Variants in CHMP3 observed in about 807,000 individuals in gnomAD.
CHMP3 encodes the protein charged multivesicular body protein 3, also known as 25.1 protein.
A neutral mutation model predicts 27.4 loss-of-function variants in CHMP3; 8 were observed. The ratio of observed to expected loss-of-function variants is 0.29; its 90% confidence interval spans 0.17 to 0.53. The LOEUF is 0.53. Ranked by LOEUF, CHMP3 falls within the 20% of genes least tolerant of loss-of-function variation. The pLI is 0.96. For synonymous variants in CHMP3, 86 were observed against 85.5 expected (o/e 1.01, Z -0.03); for missense variants, 208 against 271.5 (o/e 0.77, Z 1.64).
chr2:86,563,256 C>T (rs370948522), intron 1 of CHMP3, 48 bp downstream of exon 1: 372 of 1,601,754 alleles, frequency 2.3e-4, no homozygotes, highest in Non-Finnish European at 2.8e-4. Flanking sequence ...AACTTCACTA[C>T]GCCCCACACA....
chr2:86,523,993 T>C, intron 3 of CHMP3, among the ~76,000 whole-genome samples: 1 of 152,158 alleles, frequency 6.6e-6, no homozygotes, highest in South Asian at 2.1e-4. Context: ...ACAGACAAAA[T>C]TGATCATGAT....
chr2:86,515,567 C>T (rs1229531764), intron 3 of CHMP3, among the ~76,000 whole-genome samples: 4 of 152,006 alleles, frequency 2.6e-5, no homozygotes, highest in South Asian at 2.1e-4. Flanking sequence ...GTGATCCACC[C>T]GCCTCAGCCT....
At chr2:86,551,385 T>C (rs1311843162) in intron 1 of CHMP3, among the ~76,000 whole-genome samples, 5 of 151,986 alleles carry the variant, frequency 3.3e-5, no homozygotes, top group Non-Finnish European at 7.4e-5. Context: ...GCCTCCCAAG[T>C]AGCTGGGACT....
chr2:86,514,564 C>A (rs1675223390), intron 3 of CHMP3, among the ~76,000 whole-genome samples: 1 of 152,154 alleles, frequency 6.6e-6, no homozygotes, highest in South Asian at 2.1e-4. Flanking sequence ...CAAGAACACA[C>A]ATTATATACT....
At position 86,528,001 on chromosome 2, in the gene CHMP3, A is replaced by G. The variant is rs148474940; in HGVS notation, c.286+1217T>C. On this transcript the variant is annotated intron_variant, in intron 3 of 5. Transcript: ENST00000263856. ...AATAAATAAAAGATAATCTTGATAG[A>G]TTTTTTAAAGGATGATGTGGTACAA... Among the ~76,000 whole-genome samples, 645 of 152,174 alleles carry G rather than the reference A, an allele frequency of 4.2e-3. 3 individuals carry two copies. Among genetic ancestry groups the G allele is most frequent in the South Asian group, 6.0e-3 (29 of 4,824 alleles).
intron 1 of CHMP3, among the ~76,000 whole-genome samples, chr2:86,559,054 G>C (rs1326872453): frequency 6.6e-6 from 1 of 152,120 alleles, no homozygotes; most frequent in African/African-American, 2.4e-5. Flanking sequence ...CACTATTTCT[G>C]AATATGTCTA....
intron 2 of CHMP3, among the ~76,000 whole-genome samples, chr2:86,534,844 T>G (rs1676063237): frequency 6.6e-6 from 1 of 152,236 alleles, no homozygotes. Flanking sequence ...TCTATTTGTG[T>G]TTTTGGATCT....
Position 86,505,780 on chromosome 2 carries a change from C to T in CHMP3, c.*24G>A. ...TGGCAGCTCTTGAGAGGAGTGTGTG[C>T]ACACCCAGCGGGGTAGGCAGCCCCT... On this transcript the variant is annotated 3_prime_UTR_variant, in exon 6 of 6. Coordinates refer to ENST00000263856, the MANE Select transcript of CHMP3 (RefSeq NM_016079.4). 5 of 1,544,956 alleles carry T rather than the reference C, an allele frequency of 3.2e-6. No individual in the cohort carries two copies. The highest frequency in any genetic ancestry group is 3.5e-6 in the Non-Finnish European group (4 of 1,143,898).
At chr2:86,524,839 A>G (rs1675637848) in intron 3 of CHMP3, among the ~76,000 whole-genome samples, 1 of 152,212 alleles carries the variant, frequency 6.6e-6, no homozygotes, top group Non-Finnish European at 1.5e-5. Flanking sequence ...GCTTTTGTAT[A>G]TGCTTAATAT....
chr2:86,504,155 T>C lies in CHMP3; in HGVS notation c.*1649A>G, dbSNP rs1426447892. On this transcript the variant is annotated 3_prime_UTR_variant, in exon 6 of 6. Coordinates refer to ENST00000263856, the MANE Select transcript of CHMP3 (RefSeq NM_016079.4). ...AGAAGTTTTAGGGCAGTGAAACTAT[T>C]CTGTATGATTCTATAATTGTAGATA... 1 of 152,210 alleles carries C rather than the reference T, an allele frequency of 6.6e-6. No homozygotes were observed. Among genetic ancestry groups the C allele is most frequent in the African/African-American group, 2.4e-5 (1 of 41,440 alleles). 9.4% of individuals were successfully genotyped at this position (152,210 alleles called of 1,614,324 possible).
chr2:86,530,510 T>C (rs1459716774), intron 2 of CHMP3, among the ~76,000 whole-genome samples: 1 of 152,232 alleles, frequency 6.6e-6, no homozygotes, highest in Middle Eastern at 3.2e-3. Context: ...AAGCATTTTG[T>C]AGCATATGTC....
Position 86,521,024 on chromosome 2 carries a change from A to G in CHMP3, c.286+8194T>C, listed in dbSNP as rs371547252. Among the ~76,000 whole-genome samples, 343 of 152,290 alleles carry G rather than the reference A, an allele frequency of 2.3e-3. 10 individuals are homozygous for G. The South Asian group carries it at 0.07, about 31-fold the overall frequency. ...TACTTTGTAATCTCCGCCACCCTTAAGAAGGTTCTTTATAATTTCCCCCAC... is the reference window on the plus strand; with the variant it reads ...TACTTTGTAATCTCCGCCACCCTTAGGAAGGTTCTTTATAATTTCCCCCAC... On this transcript the variant is annotated intron_variant, in intron 3 of 5. Transcript: ENST00000263856.
chr2:86,542,344 A>G, intron 1 of CHMP3, 32 bp from the exon 2 acceptor site: 3 of 1,599,030 alleles, frequency 1.9e-6, no homozygotes, highest in Non-Finnish European at 2.6e-6. Flanking sequence ...GAATGAGGAG[A>G]AAAGCCGAAA....
At chr2:86,528,463 G>C (rs1675797610) in intron 3 of CHMP3, among the ~76,000 whole-genome samples, 1 of 152,122 alleles carries the variant, frequency 6.6e-6, no homozygotes, top group Admixed American at 6.5e-5. Flanking sequence ...TCAGCCTCCT[G>C]AGCAGCTGGG....
intron 4 of CHMP3, 116 bp downstream of exon 4, chr2:86,510,242 T>C (rs777610746): frequency 6.9e-7 from 1 of 1,452,404 alleles, no homozygotes; most frequent in Non-Finnish European, 9.2e-7. Context: ...TTAAAATTAA[T>C]TCTGTCTAGC....
chr2:86,549,118 G>A (rs572703716), intron 1 of CHMP3, among the ~76,000 whole-genome samples: 125 of 147,954 alleles, frequency 8.4e-4, no homozygotes, highest in East Asian at 1.1e-3. Flanking sequence ...CAGACGGGGC[G>A]GCCGGGAAGA....
rs932438960 is a variant in CHMP3 at position 86,505,657 on chromosome 2, G to T, written c.*147C>A. 1.8e-6 allele frequency: 2 copies of T among 1,137,988 alleles called. No individual in the cohort carries two copies. The highest frequency in any genetic ancestry group is 1.2e-6 in the Non-Finnish European group (1 of 869,286). 70.5% of individuals were successfully genotyped at this position (1,137,988 alleles called of 1,614,324 possible). A position where few individuals can be genotyped will look rare whatever the true frequency, so the allele number is the denominator to read the frequency against. On this transcript the variant is annotated 3_prime_UTR_variant, in exon 6 of 6. Transcript: ENST00000263856. ...ACTTTTATAAGAACAATCCCTTTGC[G>T]ATCCCAAAACCTGGGCAGAGAATGA...
intron 3 of CHMP3, among the ~76,000 whole-genome samples, chr2:86,527,642 T>C (rs550559894): frequency 6.6e-6 from 1 of 152,340 alleles, no homozygotes; most frequent in South Asian, 2.1e-4. Context: ...ATCATCATTT[T>C]AGGGCTGTAA....
At chr2:86,531,154 ATTTT>A (rs572167186) in intron 2 of CHMP3, among the ~76,000 whole-genome samples, 1 of 151,454 alleles carries the variant, frequency 6.6e-6, no homozygotes, top group African/African-American at 2.4e-5. Context: ...ACATCTTTTT[ATTTT>A]TTTAATGTAC....
Sources: gnomAD v4.1 joint callset for allele counts (sites outside exome capture counted in the v4.1 genomes callset) on GRCh38, gnomAD v4.1.1 for gene constraint, MANE v1.5 for transcripts, NCBI Gene and HGNC (gene_info 2026-07-23, HGNC 2026-07-21) for gene names.